Variants in FAF1 observed in about 807,000 individuals in gnomAD.
FAF1 encodes the protein Fas associated factor 1.
A neutral mutation model predicts 92.5 loss-of-function variants in FAF1; 25 were observed. The ratio of observed to expected loss-of-function variants is 0.27; its 90% CI spans 0.20 to 0.38. FAF1 has a LOEUF of 0.38. FAF1 is among the 10% of genes least tolerant of loss of function. The pLI, the probability that FAF1 is intolerant of heterozygous loss-of-function variation, is 1.00. For synonymous variants in FAF1, 234 were observed against 273.2 expected, an observed-to-expected ratio of 0.86 and a Z score of 1.42; for missense variants, 636 against 793.3, an observed-to-expected ratio of 0.80 and a Z score of 2.38.
At chr1:50,883,016 T>C (rs1644626991) in intron 1 of FAF1, among the ~76,000 whole-genome samples, 1 of 150,550 alleles carries the variant, frequency 6.6e-6, no homozygotes, top group African/African-American at 2.4e-5. Context: ...GGTTAATGCA[T>C]TGATTTTGAA....
rs560206270 is a variant in FAF1, at chr1:50,640,317, G to T, written c.744+15125C>A. Among the ~76,000 whole-genome samples, 77 of 149,956 alleles carry T rather than the reference G, an allele frequency of 5.1e-4. No homozygotes were observed. The South Asian group carries it at 0.016, about 31-fold the overall frequency. ...CAAGTTTTTTTTTTTTTTTGAGACAGAGTCTCGCTCTGTCGCCCAGGCTGG... is the reference window on the plus strand; with the variant it reads ...CAAGTTTTTTTTTTTTTTTGAGACATAGTCTCGCTCTGTCGCCCAGGCTGG... On this transcript the variant is annotated intron_variant, in intron 8 of 18. Transcript: ENST00000396153.
chr1:50,836,276 T>C (rs1644204519), intron 2 of FAF1, among the ~76,000 whole-genome samples: 1 of 148,418 alleles, frequency 6.7e-6, no homozygotes, highest in Non-Finnish European at 1.5e-5. Flanking sequence ...GCTCAGGCAA[T>C]CCTCCCACCT....
At chr1:50,828,249 A>G (rs1364458693) in intron 2 of FAF1, among the ~76,000 whole-genome samples, 8 of 151,774 alleles carry the variant, frequency 5.3e-5, no homozygotes, top group African/African-American at 1.9e-4. Context: ...TAGGGAAAAA[A>G]GGGTCTTTTC....
chr1:50,822,754 C>T (rs978511625), intron 2 of FAF1, among the ~76,000 whole-genome samples: 4 of 142,282 alleles, frequency 2.8e-5, no homozygotes, highest in African/African-American at 8.2e-5. Flanking sequence ...TTTTTTCTTT[C>T]TTTCTTTCTT....
At chr1:50,499,428 C>T (rs112664721) in intron 15 of FAF1, among the ~76,000 whole-genome samples, 2,013 of 144,562 alleles carry the variant, frequency 0.014, 19 homozygotes, top group Middle Eastern at 0.067. Flanking sequence ...TTACTCGATT[C>T]CTATTTTACT....
chr1:50,882,911 G>A (rs1372990116), intron 1 of FAF1, among the ~76,000 whole-genome samples: 6 of 151,734 alleles, frequency 4.0e-5, no homozygotes, highest in East Asian at 1.9e-4. Context: ...ACTTGAACAC[G>A]GGAGGCGGGT....
Position 50,639,462 on chromosome 1 carries a change from C to T in FAF1, c.744+15980G>A, listed in dbSNP as rs74532588. Among the ~76,000 whole-genome samples the T allele has an allele frequency of 1.0e-2, 1,519 of 152,254 alleles. 24 individuals carry two copies. The highest frequency in any genetic ancestry group is 0.035 in the African/African-American group (1,438 of 41,542). ...ATTTTATTAAATGCTTTTCCAGGAC[C>T]TTATTCACCTGATTGTATATGTTTT... On this transcript the variant is annotated intron_variant, in intron 8 of 18. Transcript: ENST00000396153.
chr1:50,582,800 T>C, intron 11 of FAF1, 101 bp from the exon 12 acceptor site: 1 of 739,302 alleles, frequency 1.4e-6, no homozygotes, highest in South Asian at 1.5e-5. Context: ...GGGGCTAATG[T>C]CTAGTGCATA....
At chr1:50,838,054 T>C (rs943324155) in intron 2 of FAF1, among the ~76,000 whole-genome samples, 10 of 152,120 alleles carry the variant, frequency 6.6e-5, no homozygotes, top group Non-Finnish European at 1.3e-4. Flanking sequence ...GATGCTCCTT[T>C]ATACAATGTG....
chr1:50,781,348 T>A (rs1569938022), intron 4 of FAF1, among the ~76,000 whole-genome samples: 1 of 148,818 alleles, frequency 6.7e-6, no homozygotes, highest in Non-Finnish European at 1.5e-5. Context: ...AAAAAGAAAG[T>A]AGGGGGTGTC....
chr1:50,929,456 T>C (rs1328918751), intron 1 of FAF1, among the ~76,000 whole-genome samples: 1 of 152,196 alleles, frequency 6.6e-6, no homozygotes, highest in African/African-American at 2.4e-5. Flanking sequence ...TGTATTCAGA[T>C]CCCTTCAAAA....
intron 1 of FAF1, among the ~76,000 whole-genome samples, chr1:50,955,942 C>T (rs1645262997): frequency 6.6e-6 from 1 of 151,992 alleles, no homozygotes; most frequent in Non-Finnish European, 1.5e-5. Flanking sequence ...ATAGAAGAGT[C>T]GAATTCAGAG....
chr1:50,897,878 T>G (rs1376690174), intron 1 of FAF1, among the ~76,000 whole-genome samples: 1 of 152,160 alleles, frequency 6.6e-6, no homozygotes, highest in Non-Finnish European at 1.5e-5. Flanking sequence ...GTCTTAACTT[T>G]GTGTCATCAT....
In FAF1 at chr1:50,960,219, G is replaced by C. The variant is rs886806158; in HGVS notation, c.-408C>G. ...GAGCGGGCGGGCGAACGCCGCGGCC[G>C]CCTCCGCCTCCTCCGCTTCCTCCCT... On this transcript the variant is annotated 5_prime_UTR_variant, in exon 1 of 19. Coordinates refer to ENST00000396153, the MANE Select transcript of FAF1 (RefSeq NM_007051.3). The C allele has an allele frequency of 3.0e-6, 1 of 330,996 alleles. No individual in the cohort carries two copies. Among genetic ancestry groups the C allele is most frequent in the Non-Finnish European group, 5.5e-6 (1 of 181,442 alleles). The allele number at this position is 330,996 out of a possible 1,614,324, so 20.5% of individuals were successfully genotyped here.
intron 15 of FAF1, among the ~76,000 whole-genome samples, chr1:50,494,745 T>C (rs1424890750): frequency 2.0e-5 from 3 of 152,244 alleles, no homozygotes; most frequent in Non-Finnish European, 2.9e-5. Context: ...TATGTCTTCG[T>C]ATTTCCTATA....
intron 1 of FAF1, among the ~76,000 whole-genome samples, chr1:50,889,120 C>T (rs1169835609): frequency 3.3e-5 from 5 of 152,180 alleles, no homozygotes; most frequent in South Asian, 2.1e-4. Flanking sequence ...GGAATTTAAC[C>T]ATTTCTTCTA....
At chr1:50,749,252 G>A (rs1659750132) in intron 4 of FAF1, among the ~76,000 whole-genome samples, 1 of 152,172 alleles carries the variant, frequency 6.6e-6, no homozygotes, top group Non-Finnish European at 1.5e-5. Flanking sequence ...TCTGTCCAGT[G>A]CTCAGAAACC....
chr1:50,624,249 G>A (rs1425064663), intron 8 of FAF1, among the ~76,000 whole-genome samples: 3 of 152,070 alleles, frequency 2.0e-5, no homozygotes, highest in Non-Finnish European at 4.4e-5. Context: ...CTGGGTTCAA[G>A]CGATTCTCCT....
At chr1:50,779,598 C>A (rs1442839842) in intron 4 of FAF1, among the ~76,000 whole-genome samples, 2 of 151,004 alleles carry the variant, frequency 1.3e-5, no homozygotes, top group East Asian at 3.9e-4. Context: ...ATAAAATACT[C>A]TATAAAATAT....
Sources: allele counts gnomAD v4.1 joint callset (sites outside exome capture counted in the v4.1 genomes callset), GRCh38; gene constraint gnomAD v4.1.1; transcripts MANE v1.5; gene names NCBI Gene and HGNC (gene_info 2026-07-23, HGNC 2026-07-21).